NCKAP5: variants seen among roughly 807,000 people sequenced by gnomAD.
The protein encoded by NCKAP5 is nck-associated protein 5.
NCKAP5 carries 92 observed loss-of-function variants against 167.0 expected under a neutral mutation model. The ratio of observed to expected loss-of-function variants is 0.55; its 90% confidence interval spans 0.47 to 0.66. NCKAP5 has a LOEUF of 0.66. NCKAP5 is among the 30% of genes least tolerant of loss of function. The pLI is 0.00. For missense variants in NCKAP5, 2,378 were observed against 2,315.0 expected (o/e 1.03, Z -0.56); for synonymous variants, 891 against 877.4 (o/e 1.02, Z -0.27).
intron 5 of NCKAP5, among the ~76,000 whole-genome samples, chr2:133,189,475 C>T (rs570996200): frequency 6.6e-6 from 1 of 152,056 alleles, no homozygotes; most frequent in South Asian, 2.1e-4. Flanking sequence ...GGCAGAGACA[C>T]AACAAAAAAA....
At chr2:133,649,036 A>T in the NCKAP5 span, among the ~76,000 whole-genome samples, 1 of 151,960 alleles carries the variant, frequency 6.6e-6, no homozygotes, top group Non-Finnish European at 1.5e-5. Context: ...AATACATAAA[A>T]TCAAAAATGA....
At chr2:132,728,569 C>T (rs1690687965) in intron 18 of NCKAP5, among the ~76,000 whole-genome samples, 1 of 152,154 alleles carries the variant, frequency 6.6e-6, no homozygotes, top group Admixed American at 6.5e-5. Context: ...GGAGTGCATC[C>T]ATACCCAAGA....
At chr2:132,751,727 C>T (rs900732365) in intron 16 of NCKAP5, among the ~76,000 whole-genome samples, 3 of 152,162 alleles carry the variant, frequency 2.0e-5, no homozygotes, top group Non-Finnish European at 4.4e-5. Flanking sequence ...GAAAGCAGGT[C>T]CCTGCATGTG....
chr2:132,731,822 G>T lies in NCKAP5; in HGVS notation c.5358C>A (p.Ala1786=). 1 of 1,613,944 alleles carries T rather than the reference G, an allele frequency of 6.2e-7. No individual in the cohort carries two copies. The highest frequency in any genetic ancestry group is 8.5e-7 in the Non-Finnish European group (1 of 1,179,886). Reference sequence around the variant, plus strand: ...TGGGGTCGGATGTGGAATGAACAATGGCGCTATCTGCAGGGCGCTGGCCGT... The same window carrying T: ...TGGGGTCGGATGTGGAATGAACAATTGCGCTATCTGCAGGGCGCTGGCCGT... The part of the protein sequence containing the change: ...STDGQRPADS[A]IVHSTSDPIM... Residue 1786 remains alanine (A), a synonymous_variant, in exon 17 of 20, where the codon GCC becomes GCA. Coordinates refer to ENST00000409261, the MANE Select transcript of NCKAP5 (RefSeq NM_207363.3).
chr2:133,209,775 A>C (rs1330112569), intron 5 of NCKAP5, among the ~76,000 whole-genome samples: 1 of 152,184 alleles, frequency 6.6e-6, no homozygotes, highest in Non-Finnish European at 1.5e-5. Flanking sequence ...TAGTTATGTA[A>C]GATGTTTAAT....
intron 5 of NCKAP5, among the ~76,000 whole-genome samples, chr2:133,157,105 C>T (rs994556821): frequency 6.6e-6 from 1 of 152,206 alleles, no homozygotes; most frequent in African/African-American, 2.4e-5. Context: ...CACAATAATT[C>T]CATTTTGCCT....
At chr2:133,284,497 A>G (rs1293227496) in intron 4 of NCKAP5, among the ~76,000 whole-genome samples, 5 of 152,222 alleles carry the variant, frequency 3.3e-5, no homozygotes, top group Admixed American at 1.3e-4. Context: ...CAACTCTGCC[A>G]AAGACAGATG....
intron 16 of NCKAP5, among the ~76,000 whole-genome samples, chr2:132,732,607 G>A (rs924983925): frequency 6.6e-6 from 1 of 152,164 alleles, no homozygotes; most frequent in African/African-American, 2.4e-5. Context: ...ATATATCCTG[G>A]ATAATCAGAA....
intron 3 of NCKAP5, among the ~76,000 whole-genome samples, chr2:133,483,937 C>G (rs191374383): frequency 1.3e-5 from 2 of 152,320 alleles, no homozygotes; most frequent in East Asian, 1.9e-4. Context: ...TAAATACTAT[C>G]TAAGCAGTTA....
intron 6 of NCKAP5, among the ~76,000 whole-genome samples, chr2:133,089,865 A>G (rs1439982812): frequency 6.6e-6 from 1 of 152,198 alleles, no homozygotes; most frequent in Non-Finnish European, 1.5e-5. Flanking sequence ...TATATTGCTA[A>G]TGGGCAGTAC....
chr2:133,099,795 A>C (rs1212716340), intron 6 of NCKAP5, among the ~76,000 whole-genome samples: 1 of 152,160 alleles, frequency 6.6e-6, no homozygotes, highest in African/African-American at 2.4e-5. Context: ...TATTTAATTC[A>C]CTAGAATAGG....
At chr2:132,819,644 CT>C (rs755237564) in intron 11 of NCKAP5, among the ~76,000 whole-genome samples, 4 of 151,546 alleles carry the variant, frequency 2.6e-5, no homozygotes, top group Non-Finnish European at 4.4e-5. Context: ...CACAGTGCTT[CT>C]GAAGAGGCTT....
chr2:133,643,983 A>AAAGCCTTTTCTGACATGCCCCTGT, the NCKAP5 span, among the ~76,000 whole-genome samples: 3 of 152,218 alleles, frequency 2.0e-5, no homozygotes. Context: ...GTTCCACATG[A>AAAGCCTTTTCTGACATGCCCCTGT]AAGCCTTTTC....
chr2:133,421,045 AC>A (rs1689443116), intron 3 of NCKAP5, among the ~76,000 whole-genome samples: 1 of 152,206 alleles, frequency 6.6e-6, no homozygotes, highest in South Asian at 2.1e-4. Context: ...AGCTGACTAA[AC>A]AGTCTTTCTA....
chr2:132,924,823 A>G (rs542402047), intron 8 of NCKAP5, among the ~76,000 whole-genome samples: 35 of 152,324 alleles, frequency 2.3e-4, no homozygotes, highest in Non-Finnish European at 3.5e-4. Context: ...GGGAGGTCTA[A>G]CTGGAACTGC....
At chr2:133,407,784 T>C (rs1024318324) in intron 3 of NCKAP5, among the ~76,000 whole-genome samples, 5 of 152,186 alleles carry the variant, frequency 3.3e-5, no homozygotes, top group Non-Finnish European at 5.9e-5. Flanking sequence ...GAAGAGAAAT[T>C]CTGGTGTTCA....
intron 11 of NCKAP5, among the ~76,000 whole-genome samples, chr2:132,833,124 G>C (rs555833033): frequency 9.2e-5 from 14 of 152,206 alleles, no homozygotes; most frequent in African/African-American, 2.6e-4. Context: ...GATGATGTGT[G>C]ATGTTTAGCT....
intron 19 of NCKAP5, among the ~76,000 whole-genome samples, chr2:132,701,523 A>ACTGCTGCTG (rs142983300): frequency 9.7e-4 from 147 of 151,672 alleles, no homozygotes; most frequent in African/African-American, 3.3e-3. Context: ...TACATCAGAT[A>ACTGCTGCTG]CTGCTGCTGC....
At chr2:133,102,744 AAC>A (rs3051212) in intron 6 of NCKAP5, among the ~76,000 whole-genome samples, 14,098 of 134,934 alleles carry the variant, frequency 0.1, 647 homozygotes, top group Admixed American at 0.11. Context: ...CAAGCATGTA[AAC>A]ACACACACAC....
Sources: gnomAD v4.1 joint callset for allele counts (sites outside exome capture counted in the v4.1 genomes callset) on GRCh38, gnomAD v4.1.1 for gene constraint, MANE v1.5 for transcripts, NCBI Gene and HGNC (gene_info 2026-07-23, HGNC 2026-07-21) for gene names.